The following GARIN1B variants were observed in gnomAD, a reference collection of about 807,000 sequenced individuals.
The protein encoded by GARIN1B is golgi associated RAB2 interactor 1B, also known as Golgi-associated RAB2 interactor protein 1B.
the GARIN1B span, among the ~76,000 whole-genome samples, chr7:128,728,627 C>T: frequency 1.3e-5 from 2 of 152,174 alleles, no homozygotes; most frequent in Admixed American, 6.5e-5. Flanking sequence ...GACTTCCATT[C>T]GTTGTTGCCA....
At chr7:128,729,680 C>T in the GARIN1B span, among the ~76,000 whole-genome samples, 3 of 152,212 alleles carry the variant, frequency 2.0e-5, no homozygotes, top group African/African-American at 7.2e-5. Flanking sequence ...TGGAGCCAGG[C>T]TGCCAGGCTT....
the GARIN1B span, among the ~76,000 whole-genome samples, chr7:128,721,513 C>A: frequency 7.7e-6 from 1 of 129,816 alleles, no homozygotes; most frequent in Non-Finnish European, 1.7e-5. Context: ...ATACACACAC[C>A]ACACACACAC....
chr7:128,715,323 C>T, the GARIN1B span: 1 of 1,504,416 alleles, frequency 6.6e-7, no homozygotes, highest in South Asian at 1.3e-5. Flanking sequence ...TTCATGATGT[C>T]ATCCATTCAT....
chr7:128,715,290 T>G, the GARIN1B span: 11 of 1,452,626 alleles, frequency 7.6e-6, no homozygotes, highest in African/African-American at 1.4e-5. Flanking sequence ...GCACTTCCCC[T>G]TCCTGCAGGT....
the GARIN1B span, chr7:128,731,221 C>A: frequency 1.9e-6 from 2 of 1,070,994 alleles, no homozygotes; most frequent in South Asian, 1.3e-5. Flanking sequence ...AAACTGCAAC[C>A]AAGGAAGAAT....
chr7:128,724,964 C>A, the GARIN1B span: 1 of 1,021,582 alleles, frequency 9.8e-7, no homozygotes, highest in Non-Finnish European at 1.3e-6. Flanking sequence ...GTCTTCAGAT[C>A]TGTAAAATGG....
At chr7:128,714,345 G>A in the GARIN1B span, among the ~76,000 whole-genome samples, 2 of 152,146 alleles carry the variant, frequency 1.3e-5, no homozygotes, top group Non-Finnish European at 1.5e-5. Context: ...GGGAGGTCGA[G>A]GTGGGCGGAT....
the GARIN1B span, among the ~76,000 whole-genome samples, chr7:128,709,747 T>TGTG: frequency 5.0e-5 from 1 of 20,178 alleles, no homozygotes; most frequent in Non-Finnish European, 1.2e-4. Flanking sequence ...TCTCTCTCTC[T>TGTG]CTCTTTTTTT....
At chr7:128,722,249 A>T in the GARIN1B span, among the ~76,000 whole-genome samples, 1 of 152,212 alleles carries the variant, frequency 6.6e-6, no homozygotes, top group African/African-American at 2.4e-5. Flanking sequence ...GCCCCAGAAC[A>T]TGATGAATGT....
chr7:128,719,171 G>C, the GARIN1B span: 2 of 1,398,654 alleles, frequency 1.4e-6, no homozygotes. Context: ...CCCTATGAAG[G>C]TGATCTCAGT....
chr7:128,715,575 A>G, the GARIN1B span: 1 of 1,613,972 alleles, frequency 6.2e-7, no homozygotes. Flanking sequence ...GTGGATGGAG[A>G]GCCGAACCCT....
chr7:128,715,796 G>A, the GARIN1B span: 1 of 1,059,216 alleles, frequency 9.4e-7, no homozygotes, highest in Middle Eastern at 2.1e-4. Flanking sequence ...TGAGAATTGA[G>A]GCAAGGAGAA....
At chr7:128,724,631 A>T in the GARIN1B span, 1 of 968,736 alleles carries the variant, frequency 1.0e-6, no homozygotes, top group Non-Finnish European at 1.4e-6. Flanking sequence ...CAGAATATTC[A>T]GTCCCAGATA....
At chr7:128,711,849 T>C in the GARIN1B span, among the ~76,000 whole-genome samples, 1 of 152,178 alleles carries the variant, frequency 6.6e-6, no homozygotes, top group Non-Finnish European at 1.5e-5. Context: ...AAGACCAGCC[T>C]GACCAACATG....
chr7:128,711,411 CT>C, the GARIN1B span, among the ~76,000 whole-genome samples: 1 of 151,714 alleles, frequency 6.6e-6, no homozygotes, highest in African/African-American at 2.4e-5. Context: ...AATAAGTGTC[CT>C]AAAAAGGGGA....
chr7:128,716,514 G>T, the GARIN1B span, among the ~76,000 whole-genome samples: 1 of 152,156 alleles, frequency 6.6e-6, no homozygotes, highest in Non-Finnish European at 1.5e-5. Flanking sequence ...ACTAGTAGTT[G>T]TTTAATCAAT....
At chr7:128,719,090 G>A in the GARIN1B span, 2,890 of 1,612,210 alleles carry the variant, frequency 1.8e-3, 2 homozygotes, top group Non-Finnish European at 2.3e-3. Flanking sequence ...GAAGGTAAGT[G>A]AGCACCATTG....
chr7:128,716,884 G>C, the GARIN1B span: 1 of 1,613,762 alleles, frequency 6.2e-7, no homozygotes, highest in African/African-American at 1.3e-5. Context: ...TGACCTCCTC[G>C]GTACCCTGCC....
the GARIN1B span, among the ~76,000 whole-genome samples, chr7:128,721,841 T>C: frequency 6.6e-6 from 1 of 152,250 alleles, no homozygotes; most frequent in Non-Finnish European, 1.5e-5. Flanking sequence ...AAATGCTTTC[T>C]CTGCATCTAT....
Sources: gnomAD v4.1 joint callset for allele counts (sites outside exome capture counted in the v4.1 genomes callset) on GRCh38, gnomAD v4.1.1 for gene constraint, MANE v1.5 for transcripts, NCBI Gene and HGNC (gene_info 2026-07-23, HGNC 2026-07-21) for gene names.